SLC2A9: variants seen among roughly 807,000 people sequenced by gnomAD.
The protein encoded by SLC2A9 is solute carrier family 2 member 9, also known as solute carrier family 2, facilitated glucose transporter member 9.
In SLC2A9, 39 loss-of-function variants were observed where a neutral mutation model predicts 50.6. The observed-to-expected ratio is 0.77, with a 90% CI of 0.60 to 1.01. The LOEUF is 1.01. SLC2A9 is among the 50% of genes least tolerant of loss of function. The probability of loss-of-function intolerance (pLI) is 0.00; values close to 1 mark genes in which losing one functional copy is unlikely to be tolerated. For missense variants in SLC2A9, 686 were observed against 677.6 expected (o/e 1.01, Z -0.14); for synonymous variants, 324 against 276.9 (o/e 1.17, Z -1.69).
downstream of SLC2A9, among the ~76,000 whole-genome samples, chr4:9,778,432 T>A (rs1395038697): frequency 6.6e-6 from 1 of 152,136 alleles, no homozygotes; most frequent in East Asian, 1.9e-4. Flanking sequence ...TTACTTGCAT[T>A]TCTTAAGTTG....
At chr4:9,994,308 G>A (rs1263101261) in intron 3 of SLC2A9, among the ~76,000 whole-genome samples, 1 of 152,198 alleles carries the variant, frequency 6.6e-6, no homozygotes, top group Non-Finnish European at 1.5e-5. Context: ...AAGGCAGGAG[G>A]TCAATAGATG....
At chr4:9,997,415 A>G (rs1758871715) in intron 2 of SLC2A9, among the ~76,000 whole-genome samples, 1 of 152,138 alleles carries the variant, frequency 6.6e-6, no homozygotes, top group African/African-American at 2.4e-5. Flanking sequence ...AAGGGCACAT[A>G]CCGGGTGGGC....
intron 2 of SLC2A9, among the ~76,000 whole-genome samples, chr4:9,997,152 TTC>T (rs1491046541): frequency 6.6e-6 from 1 of 152,126 alleles, no homozygotes; most frequent in African/African-American, 2.4e-5. Flanking sequence ...AGCATTTTTT[TTC>T]TTTTATGGCT....
intron 7 of SLC2A9, among the ~76,000 whole-genome samples, chr4:9,911,001 T>A (rs6449110): frequency 6.9e-6 from 1 of 145,820 alleles, no homozygotes; most frequent in Non-Finnish European, 1.5e-5. Flanking sequence ...CCTGTTGGGG[T>A]GTGGGGGGGC....
intron 10 of SLC2A9, among the ~76,000 whole-genome samples, chr4:9,863,010 G>A (rs987044690): frequency 9.2e-5 from 14 of 152,048 alleles, no homozygotes; most frequent in African/African-American, 1.7e-4. Flanking sequence ...AATGTGCCCC[G>A]CCCAGGGAGG....
intron 5 of SLC2A9, among the ~76,000 whole-genome samples, chr4:9,950,379 G>GC (rs1310775958): frequency 1.3e-5 from 2 of 152,196 alleles, no homozygotes; most frequent in East Asian, 1.9e-4. Flanking sequence ...CCCACATAGA[G>GC]CCCCCCCATG....
chr4:9,964,363 G>A (rs940575514), intron 5 of SLC2A9, among the ~76,000 whole-genome samples: 3 of 152,190 alleles, frequency 2.0e-5, no homozygotes, highest in African/African-American at 7.2e-5. Context: ...GCATTAACCT[G>A]TGAGGGACTC....
chr4:9,995,250 T>C (rs1430733559), intron 3 of SLC2A9, among the ~76,000 whole-genome samples: 6 of 152,146 alleles, frequency 3.9e-5, no homozygotes, highest in Non-Finnish European at 8.8e-5. Flanking sequence ...TCTCACTACA[T>C]CATGCAGTAG....
At chr4:9,800,734 C>G (rs1173387115) in intron 3 of SLC2A9, among the ~76,000 whole-genome samples, 1 of 152,182 alleles carries the variant, frequency 6.6e-6, no homozygotes, top group Non-Finnish European at 1.5e-5. Context: ...TTACACATAG[C>G]ATTTACAACG....
intron 3 of SLC2A9, among the ~76,000 whole-genome samples, chr4:9,788,089 AT>A (rs1385253091): frequency 6.6e-6 from 1 of 152,220 alleles, no homozygotes; most frequent in African/African-American, 2.4e-5. Context: ...TTTAAAAAAA[AT>A]TCCATAATCT....
At chr4:10,018,516 T>G (rs1206767191) in intron 2 of SLC2A9, among the ~76,000 whole-genome samples, 1 of 146,734 alleles carries the variant, frequency 6.8e-6, no homozygotes, top group Non-Finnish European at 1.5e-5. Context: ...CACTCCAGCC[T>G]GGTGACAGAG....
At chr4:9,942,169 C>G in intron 5 of SLC2A9, 124 bp from the exon 6 acceptor site, 1 of 1,228,720 alleles carries the variant, frequency 8.1e-7, no homozygotes, top group Non-Finnish European at 1.2e-6. Flanking sequence ...TCCCCAGGAA[C>G]AAAGGCTGAG....
chr4:9,847,676 T>C (rs1242749676), intron 10 of SLC2A9, among the ~76,000 whole-genome samples: 1 of 152,168 alleles, frequency 6.6e-6, no homozygotes, highest in Non-Finnish European at 1.5e-5. Flanking sequence ...GTCCACTGAG[T>C]CAAGAAAACC....
At chr4:9,828,041 A>G (rs1364519724) in intron 11 of SLC2A9, among the ~76,000 whole-genome samples, 1 of 152,210 alleles carries the variant, frequency 6.6e-6, no homozygotes, top group African/African-American at 2.4e-5. Flanking sequence ...GGCGGAATGG[A>G]CATCTGACTT....
chr4:9,944,845 GAA>G (rs1210633124), intron 5 of SLC2A9, among the ~76,000 whole-genome samples: 1 of 152,208 alleles, frequency 6.6e-6, no homozygotes, highest in East Asian at 1.9e-4. Flanking sequence ...CTTCTACCAA[GAA>G]AAGTGTGACT....
At chr4:9,800,694 T>C (rs1358610386) in intron 3 of SLC2A9, among the ~76,000 whole-genome samples, 1 of 152,148 alleles carries the variant, frequency 6.6e-6, no homozygotes, top group African/African-American at 2.4e-5. Flanking sequence ...TAACAATACA[T>C]CAATAAAAAT....
intron 10 of SLC2A9, among the ~76,000 whole-genome samples, chr4:9,873,871 T>C (rs557126751): frequency 6.6e-6 from 1 of 152,196 alleles, no homozygotes; most frequent in South Asian, 2.1e-4. Flanking sequence ...TTAGTGATCT[T>C]TCTGAATTCA....
intron 5 of SLC2A9, among the ~76,000 whole-genome samples, chr4:9,975,717 T>A (rs1197228923): frequency 2.6e-5 from 4 of 152,308 alleles, no homozygotes; most frequent in Non-Finnish European, 5.9e-5. Flanking sequence ...AACTTAGAAC[T>A]ACCATTTGAC....
intron 3 of SLC2A9, among the ~76,000 whole-genome samples, chr4:9,814,173 A>G: frequency 6.6e-6 from 1 of 152,116 alleles, no homozygotes; most frequent in East Asian, 1.9e-4. Context: ...AAGTTATCCA[A>G]GTAAAGAGGA....
Sources: gnomAD v4.1 joint callset for allele counts (sites outside exome capture counted in the v4.1 genomes callset) on GRCh38, gnomAD v4.1.1 for gene constraint, MANE v1.5 for transcripts, NCBI Gene and HGNC (gene_info 2026-07-23, HGNC 2026-07-21) for gene names.